HOMER2: variants seen among roughly 807,000 people sequenced by gnomAD.
The protein encoded by HOMER2 is homer protein homolog 2.
A neutral mutation model predicts 47.0 loss-of-function variants in HOMER2; 27 were observed. That is an observed-to-expected ratio of 0.57 (90% CI 0.42 to 0.79). The LOEUF (loss-of-function observed/expected upper bound fraction) is 0.79. Among genes scored for constraint, HOMER2 ranks in the 30% least tolerant of loss-of-function variants. The pLI is 0.00. For missense variants in HOMER2, 443 were observed against 435.0 expected, an observed-to-expected ratio of 1.02 and a Z score of -0.16; for synonymous variants, 161 against 163.8, an observed-to-expected ratio of 0.98 and a Z score of 0.13.
chr15:82,958,747 T>C, exon 2 of HOMER2: 1 of 152,692 alleles, frequency 6.5e-6, no homozygotes, highest in Non-Finnish European at 1.5e-5. Context: ...TGCAAGGGCC[T>C]GGGAAGCTGC....
At chr15:82,892,638 GA>G (rs2052749824) in intron 2 of HOMER2, 46 bp downstream of exon 2, 1 of 1,410,086 alleles carries the variant, frequency 7.1e-7, no homozygotes, top group Admixed American at 2.2e-5. Context: ...CATCTTGGAT[GA>G]AAGATAAGCA....
intron 1 of HOMER2, among the ~76,000 whole-genome samples, chr15:82,984,772 C>T (rs2030532387): frequency 6.6e-6 from 1 of 152,122 alleles, no homozygotes; most frequent in Non-Finnish European, 1.5e-5. Context: ...GCCATGACCA[C>T]GTCACTGCAC....
intron 5 of HOMER2, among the ~76,000 whole-genome samples, chr15:82,855,540 C>G (rs2051558449): frequency 6.6e-6 from 1 of 152,094 alleles, no homozygotes; most frequent in Non-Finnish European, 1.5e-5. Context: ...TTTAAACAAG[C>G]AAGAAGCCAA....
At chr15:82,863,855 C>A (rs999459452) in intron 4 of HOMER2, among the ~76,000 whole-genome samples, 1 of 152,200 alleles carries the variant, frequency 6.6e-6, no homozygotes, top group Non-Finnish European at 1.5e-5. Context: ...CAGAAACTCA[C>A]CTCCCAGCAC....
chr15:82,842,379 A>T (rs1432356153), exon 2 of HOMER2: 1 of 150,560 alleles, frequency 6.6e-6, no homozygotes, highest in East Asian at 1.9e-4. Flanking sequence ...ATCTCAGCTC[A>T]CTGCAACCTC....
chr15:82,900,736 G>T (rs1322060276), intron 1 of HOMER2, among the ~76,000 whole-genome samples: 1 of 152,198 alleles, frequency 6.6e-6, no homozygotes, highest in Non-Finnish European at 1.5e-5. Context: ...ACCCTAGGAA[G>T]AGTCTGCATC....
At chr15:82,853,028 TAGTGA>T (rs1330989439) in intron 6 of HOMER2, among the ~76,000 whole-genome samples, 2 of 152,178 alleles carry the variant, frequency 1.3e-5, no homozygotes, top group South Asian at 2.1e-4. Flanking sequence ...AAAAGCACTG[TAGTGA>T]AGTCCCCCCG....
At chr15:82,852,367 A>G (rs2051423965) in intron 6 of HOMER2, 115 bp from the exon 7 acceptor site, 1 of 707,332 alleles carries the variant, frequency 1.4e-6, no homozygotes. Context: ...AAACTAATCC[A>G]CTTATAAGAT....
intron 4 of HOMER2, among the ~76,000 whole-genome samples, chr15:82,860,937 AAAGATAG>A (rs1555420230): frequency 0.018 from 1,740 of 97,206 alleles, 124 homozygotes; most frequent in South Asian, 0.03. Context: ...ACTCTGTCTC[AAAGATAG>A]AAGATAGAAG....
intron 1 of HOMER2, among the ~76,000 whole-genome samples, chr15:82,947,106 C>G (rs1836409393): frequency 6.6e-6 from 1 of 152,238 alleles, no homozygotes; most frequent in African/African-American, 2.4e-5. Flanking sequence ...CACTTGCCAA[C>G]TGCCTTACCA....
Position 82,852,124 on chromosome 15 carries a change from C to G in HOMER2, c.762+18G>C, listed in dbSNP as rs779615131. The G allele has an allele frequency of 6.3e-7, 1 of 1,588,154 alleles. No homozygotes were observed. The highest frequency in any genetic ancestry group is 8.6e-7 in the Non-Finnish European group (1 of 1,156,822). ...CAAGAGGACGCCAAGGGGCCCTGCT[C>G]GGAGCACCATTACTCACTGTCTCCT... On this transcript the variant is annotated intron_variant, in intron 7 of 8. Transcript: ENST00000450735.
At chr15:82,868,541 ATTTTT>A (rs10678643) in intron 3 of HOMER2, among the ~76,000 whole-genome samples, 2 of 71,266 alleles carry the variant, frequency 2.8e-5, no homozygotes, top group African/African-American at 5.0e-5. Context: ...ATATATATAT[ATTTTT>A]TTTTTTTTTT....
At chr15:82,881,475 A>G (rs1344609495) in intron 2 of HOMER2, among the ~76,000 whole-genome samples, 1 of 152,360 alleles carries the variant, frequency 6.6e-6, no homozygotes, top group South Asian at 2.1e-4. Flanking sequence ...GCCTGCTCCA[A>G]GAGTAGTTAT....
At chr15:82,985,624 C>T (rs1008578292) in intron 1 of HOMER2, 8 of 152,152 alleles carry the variant, frequency 5.3e-5, no homozygotes, top group African/African-American at 1.9e-4. Context: ...GGGAAGAGGC[C>T]AAGCTTTGTC....
chr15:82,903,213 AG>A, intron 1 of HOMER2, among the ~76,000 whole-genome samples: 1 of 152,192 alleles, frequency 6.6e-6, no homozygotes, highest in Non-Finnish European at 1.5e-5. Context: ...CTAGAGCGGT[AG>A]GGACCGAAGG....
chr15:82,935,983 T>C (rs975276348), intron 1 of HOMER2, among the ~76,000 whole-genome samples: 3 of 152,242 alleles, frequency 2.0e-5, no homozygotes, highest in Admixed American at 2.0e-4. Flanking sequence ...TATTGAATCA[T>C]ACTGCCCATC....
At chr15:82,946,910 CA>C (rs1449057946) in intron 1 of HOMER2, among the ~76,000 whole-genome samples, 1 of 152,218 alleles carries the variant, frequency 6.6e-6, no homozygotes, top group Non-Finnish European at 1.5e-5. Flanking sequence ...CTCAATTCCC[CA>C]AATAGATGGG....
chr15:82,911,321 A>C (rs917055917), intron 1 of HOMER2, among the ~76,000 whole-genome samples: 1 of 152,168 alleles, frequency 6.6e-6, no homozygotes. Flanking sequence ...GTTTTGGCAA[A>C]CTGGTTTTAT....
At chr15:82,855,948 C>G (rs571967265) in intron 5 of HOMER2, among the ~76,000 whole-genome samples, 1 of 152,178 alleles carries the variant, frequency 6.6e-6, no homozygotes, top group Non-Finnish European at 1.5e-5. Flanking sequence ...CAGAGCTGCA[C>G]GTGACAAGCC....
Sources: allele counts gnomAD v4.1 joint callset (sites outside exome capture counted in the v4.1 genomes callset), GRCh38; gene constraint gnomAD v4.1.1; transcripts MANE v1.5; gene names NCBI Gene and HGNC (gene_info 2026-07-23, HGNC 2026-07-21).